MAGI2: variants seen among roughly 807,000 people sequenced by gnomAD.
MAGI2 encodes the protein membrane associated guanylate kinase, WW and PDZ domain containing 2.
A neutral mutation model predicts 133.3 loss-of-function variants in MAGI2; 35 were observed. The observed-to-expected ratio is 0.26, with a 90% CI of 0.20 to 0.35. MAGI2 has a LOEUF of 0.35. Among genes scored for constraint, MAGI2 ranks in the 10% least tolerant of loss-of-function variants. The pLI, the probability that MAGI2 is intolerant of heterozygous loss-of-function variation, is 1.00. For synonymous variants in MAGI2, 729 were observed against 710.6 expected, an observed-to-expected ratio of 1.03 and a Z score of -0.41; for missense variants, 1,636 against 1,863.4, an observed-to-expected ratio of 0.88 and a Z score of 2.25.
chr7:78,768,723 T>A (rs1263701901), intron 2 of MAGI2, among the ~76,000 whole-genome samples: 3 of 152,226 alleles, frequency 2.0e-5, no homozygotes, highest in African/African-American at 7.2e-5. Context: ...TTTCCAAATT[T>A]CTATAATTTG....
At chr7:78,483,017 A>ATG (rs1341910410) in intron 6 of MAGI2, among the ~76,000 whole-genome samples, 1 of 151,256 alleles carries the variant, frequency 6.6e-6, no homozygotes, top group Non-Finnish European at 1.5e-5. Context: ...TGTATATTGT[A>ATG]TATATGTACT....
At chr7:79,289,896 A>G (rs1836330732) in intron 1 of MAGI2, among the ~76,000 whole-genome samples, 1 of 152,118 alleles carries the variant, frequency 6.6e-6, no homozygotes, top group Non-Finnish European at 1.5e-5. Context: ...AAAAAATAAA[A>G]AGTAATTTTG....
Position 78,530,612 on chromosome 7 carries a change from C to T in MAGI2, c.539-8967G>A, listed in dbSNP as rs1797383527. ...AATACTCATAGTTATCCTTTTCTCT[C>T]TTGCATTTCCTCTATAACTCCCTCT... On this transcript the variant is annotated intron_variant, in intron 3 of 21. Coordinates refer to ENST00000354212, the MANE Select transcript of MAGI2 (RefSeq NM_012301.4). 2.6e-5 allele frequency among the ~76,000 whole-genome samples: 4 copies of T among 152,176 alleles called. No individual in the cohort carries two copies. The South Asian group carries it at 8.3e-4, about 31-fold the overall frequency.
intron 6 of MAGI2, among the ~76,000 whole-genome samples, chr7:78,390,011 G>A (rs1795753998): frequency 6.6e-6 from 1 of 152,152 alleles, no homozygotes; most frequent in Admixed American, 6.5e-5. Context: ...AATCATGAAT[G>A]AAATAATAAT....
intron 16 of MAGI2, among the ~76,000 whole-genome samples, chr7:78,140,644 CT>C (rs1243343517): frequency 6.6e-6 from 1 of 152,154 alleles, no homozygotes; most frequent in Non-Finnish European, 1.5e-5. Flanking sequence ...AAAATAAATG[CT>C]TTTTAAAAGT....
At chr7:78,087,348 G>A (rs1006307888) in intron 20 of MAGI2, among the ~76,000 whole-genome samples, 3 of 152,046 alleles carry the variant, frequency 2.0e-5, no homozygotes, top group Non-Finnish European at 4.4e-5. Context: ...TTCTAATTTG[G>A]TTTCATAATA....
At chr7:78,422,242 G>C (rs372337513) in intron 6 of MAGI2, among the ~76,000 whole-genome samples, 21 of 152,128 alleles carry the variant, frequency 1.4e-4, no homozygotes, top group East Asian at 1.2e-3. Context: ...TGCCAGCTGC[G>C]GTACATGCGT....
chr7:79,321,545 T>A (rs980092279), intron 1 of MAGI2, among the ~76,000 whole-genome samples: 1 of 152,198 alleles, frequency 6.6e-6, no homozygotes, highest in African/African-American at 2.4e-5. Flanking sequence ...AGGCAGTGCT[T>A]CCATAACAGA....
intron 6 of MAGI2, among the ~76,000 whole-genome samples, chr7:78,403,063 C>T (rs1405770817): frequency 6.6e-6 from 1 of 152,078 alleles, no homozygotes; most frequent in Non-Finnish European, 1.5e-5. Context: ...AGGTTTGTTA[C>T]ATATGTATAC....
rs58979364 is a variant in MAGI2 at position 78,741,428 on chromosome 7, C to CACAA, written c.419-114190_419-114189insTTGT. Reference sequence around the variant, plus strand: ...ACACACACACACACACACACACACACGGGAGGGGGGTTAGATCATAAAAGG... The same window carrying CACAA: ...ACACACACACACACACACACACACACACAAGGGAGGGGGGTTAGATCATAAAAGG... On this transcript the variant is annotated intron_variant, in intron 2 of 21. Transcript: ENST00000354212. 3.0e-3 allele frequency among the ~76,000 whole-genome samples: 351 copies of CACAA among 116,092 alleles called. 2 individuals carry two copies. Among genetic ancestry groups the CACAA allele is most frequent in the Non-Finnish European group, 3.3e-3 (192 of 57,376 alleles). The allele number at this position is 116,092 out of a possible 152,430, so 76.2% of individuals were successfully genotyped here. A position where few individuals can be genotyped will look rare whatever the true frequency, so the allele number is the denominator to read the frequency against.
At chr7:78,426,538 A>G (rs979951153) in intron 6 of MAGI2, among the ~76,000 whole-genome samples, 7 of 152,136 alleles carry the variant, frequency 4.6e-5, no homozygotes, top group African/African-American at 1.7e-4. Context: ...GCGCACCAGC[A>G]TGGCACATGT....
chr7:78,393,374 T>C (rs1016562535), intron 6 of MAGI2, among the ~76,000 whole-genome samples: 1 of 152,174 alleles, frequency 6.6e-6, no homozygotes, highest in Non-Finnish European at 1.5e-5. Context: ...ACTGCCACAG[T>C]TAGTTTCTGT....
At chr7:78,707,530 C>T (rs1381173988) in intron 2 of MAGI2, among the ~76,000 whole-genome samples, 1 of 151,998 alleles carries the variant, frequency 6.6e-6, no homozygotes, top group Non-Finnish European at 1.5e-5. Context: ...CACTGATTCC[C>T]AAATAAACAT....
intron 7 of MAGI2, among the ~76,000 whole-genome samples, chr7:78,365,435 T>C (rs1793278951): frequency 1.3e-5 from 2 of 152,340 alleles, no homozygotes; most frequent in Middle Eastern, 6.8e-3. Flanking sequence ...GTCTGGGCTC[T>C]GCAGTCAAAC....
At chr7:78,977,120 C>T (rs558005158) in intron 2 of MAGI2, among the ~76,000 whole-genome samples, 3 of 151,544 alleles carry the variant, frequency 2.0e-5, no homozygotes, top group East Asian at 2.0e-4. Context: ...AGGCAAAAGA[C>T]GTATAATAGC....
chr7:78,177,927 A>C (rs971521614), intron 14 of MAGI2, 84 bp downstream of exon 14: 2 of 954,636 alleles, frequency 2.1e-6, no homozygotes, highest in Middle Eastern at 2.2e-4. Context: ...ATTTCCTTTT[A>C]GATATCACAC....
rs1263330203 is a variant in MAGI2, at chr7:78,125,604, C to G, written c.3567+90G>C. 5 of 1,404,644 alleles carry G rather than the reference C, an allele frequency of 3.6e-6. No individual in the cohort carries two copies. In the South Asian group the frequency reaches 7.1e-5, roughly 20 times the overall value. 87.0% of individuals were successfully genotyped at this position (1,404,644 alleles called of 1,614,324 possible). ...AAAGAGGGCAAACCTACAGCAACCC[C>G]GCTTGACAGCATGCTTCAGTACTCT... On this transcript the variant is annotated intron_variant, in intron 20 of 21. Transcript: ENST00000354212.
intron 3 of MAGI2, among the ~76,000 whole-genome samples, chr7:78,584,124 T>G (rs1563203300): frequency 6.6e-6 from 1 of 151,988 alleles, no homozygotes; most frequent in African/African-American, 2.4e-5. Context: ...GAGTCAACCT[T>G]AAGAAAGGAC....
chr7:78,257,454 A>G (rs1461776037), intron 9 of MAGI2, among the ~76,000 whole-genome samples: 3 of 152,206 alleles, frequency 2.0e-5, no homozygotes, highest in African/African-American at 7.2e-5. Context: ...ATCAGTTTCA[A>G]TAAAGGCACT....
Sources: allele counts gnomAD v4.1 joint callset (sites outside exome capture counted in the v4.1 genomes callset), GRCh38; gene constraint gnomAD v4.1.1; transcripts MANE v1.5; gene names NCBI Gene and HGNC (gene_info 2026-07-23, HGNC 2026-07-21).